The following HMGCLL1 variants were observed in gnomAD, a reference collection of about 807,000 sequenced individuals.
HMGCLL1 encodes 3-hydroxymethyl-3-methylglutaryl-CoA lyase, cytoplasmic.
In HMGCLL1, 36 loss-of-function variants were observed where a neutral mutation model predicts 39.1. That is an observed-to-expected ratio of 0.92 (90% confidence interval 0.71 to 1.22). The LOEUF is 1.22. Among genes scored for constraint, HMGCLL1 ranks in the 50% most tolerant of loss-of-function variants. The probability of loss-of-function intolerance (pLI) is 0.00; values close to 1 mark genes in which losing one functional copy is unlikely to be tolerated. For synonymous variants in HMGCLL1, 149 were observed against 144.0 expected (o/e 1.03, Z -0.25); for missense variants, 451 against 416.5 (o/e 1.08, Z -0.72).
chr6:55,552,909 A>G (rs1371687234), intron 1 of HMGCLL1, among the ~76,000 whole-genome samples: 1 of 151,928 alleles, frequency 6.6e-6, no homozygotes, highest in African/African-American at 2.4e-5. Flanking sequence ...TGGGAGGCCA[A>G]GGCGGCTGGA....
At chr6:55,447,177 TCTCAACCAAGA>T (rs1472497383) in intron 7 of HMGCLL1, among the ~76,000 whole-genome samples, 2 of 151,950 alleles carry the variant, frequency 1.3e-5, no homozygotes, top group East Asian at 3.9e-4. Context: ...GATGTTTGCT[TCTCAACCAAGA>T]CTCTAAATAG....
chr6:55,563,175 C>A (rs1771038245), intron 1 of HMGCLL1, among the ~76,000 whole-genome samples: 1 of 151,956 alleles, frequency 6.6e-6, no homozygotes, highest in African/African-American at 2.4e-5. Flanking sequence ...AAAATTATAA[C>A]AACTAAATTT....
chr6:55,653,398 T>A, the HMGCLL1 span, among the ~76,000 whole-genome samples: 1 of 151,806 alleles, frequency 6.6e-6, no homozygotes, highest in Non-Finnish European at 1.5e-5. Flanking sequence ...AGGAAAAAAA[T>A]TGAAATACAA....
chr6:55,476,902 A>G (rs1765315573), intron 7 of HMGCLL1, among the ~76,000 whole-genome samples: 1 of 146,660 alleles, frequency 6.8e-6, no homozygotes, highest in South Asian at 2.1e-4. Context: ...ACTCAGAATG[A>G]CTGCATCTAA....
intron 1 of HMGCLL1, among the ~76,000 whole-genome samples, chr6:55,548,698 T>C (rs1359557091): frequency 1.3e-5 from 2 of 151,718 alleles, no homozygotes; most frequent in Non-Finnish European, 2.9e-5. Context: ...TGTTTTAATA[T>C]AAAACTACAT....
intron 1 of HMGCLL1, among the ~76,000 whole-genome samples, chr6:55,558,981 G>C (rs961579502): frequency 6.6e-6 from 1 of 152,086 alleles, no homozygotes; most frequent in Non-Finnish European, 1.5e-5. Context: ...TTTTGGGAAA[G>C]TAGGCATTTC....
chr6:55,649,795 T>C, the HMGCLL1 span, among the ~76,000 whole-genome samples: 1 of 151,684 alleles, frequency 6.6e-6, no homozygotes, highest in Non-Finnish European at 1.5e-5. Context: ...TAATCTCCTC[T>C]GACTATGTAT....
intron 1 of HMGCLL1, among the ~76,000 whole-genome samples, chr6:55,559,983 T>C (rs552229939): frequency 1.3e-5 from 2 of 152,326 alleles, no homozygotes; most frequent in East Asian, 3.9e-4. Flanking sequence ...CATCTAAGCA[T>C]AGAGCTTTGT....
chr6:55,460,490 A>T (rs1239054234), intron 7 of HMGCLL1, among the ~76,000 whole-genome samples: 2 of 151,916 alleles, frequency 1.3e-5, no homozygotes. Flanking sequence ...TATAAACATT[A>T]TAACAAAAAG....
intron 5 of HMGCLL1, among the ~76,000 whole-genome samples, chr6:55,503,888 G>T (rs913393265): frequency 4.0e-5 from 6 of 151,706 alleles, no homozygotes; most frequent in African/African-American, 1.4e-4. Flanking sequence ...GCCAGCAGCA[G>T]CTTGAGTGTA....
At chr6:55,582,289 G>A (rs12194056), upstream of HMGCLL1, among the ~76,000 whole-genome samples, 6,443 of 152,144 alleles carry the variant, frequency 0.042, 178 homozygotes, top group Non-Finnish European at 0.064. Flanking sequence ...TTCAACATTT[G>A]GTCTCTGGCA....
the HMGCLL1 span, among the ~76,000 whole-genome samples, chr6:55,611,364 C>T: frequency 6.6e-6 from 1 of 152,054 alleles, no homozygotes; most frequent in Non-Finnish European, 1.5e-5. Flanking sequence ...GACTGAATCA[C>T]AGCCAAATTC....
At chr6:55,527,383 A>T (rs1366452507) in intron 3 of HMGCLL1, among the ~76,000 whole-genome samples, 4 of 151,962 alleles carry the variant, frequency 2.6e-5, no homozygotes, top group African/African-American at 9.7e-5. Flanking sequence ...AAAACTTCTC[A>T]GGAGATGTTA....
chr6:55,608,949 C>G, the HMGCLL1 span, among the ~76,000 whole-genome samples: 1 of 152,168 alleles, frequency 6.6e-6, no homozygotes, highest in Admixed American at 6.5e-5. Flanking sequence ...CAAGGTGGTG[C>G]GTGAGCCACA....
At chr6:55,491,849 C>A (rs1411075205) in intron 7 of HMGCLL1, among the ~76,000 whole-genome samples, 6 of 151,906 alleles carry the variant, frequency 3.9e-5, no homozygotes. Context: ...AGAATAATTT[C>A]TCTATATTAA....
At chr6:55,640,388 T>A in the HMGCLL1 span, among the ~76,000 whole-genome samples, 1 of 151,984 alleles carries the variant, frequency 6.6e-6, no homozygotes, top group Non-Finnish European at 1.5e-5. Flanking sequence ...ACTACAAGAA[T>A]GAATCACATA....
chr6:55,622,208 A>G, the HMGCLL1 span, among the ~76,000 whole-genome samples: 2 of 152,066 alleles, frequency 1.3e-5, no homozygotes, highest in Admixed American at 6.6e-5. Flanking sequence ...CAATGATGTC[A>G]TCTACAAACA....
At chr6:55,521,902 G>A (rs1330563043) in intron 3 of HMGCLL1, among the ~76,000 whole-genome samples, 1 of 152,036 alleles carries the variant, frequency 6.6e-6, no homozygotes, top group Non-Finnish European at 1.5e-5. Flanking sequence ...GATAAACCAG[G>A]CCTCTTATGC....
chr6:55,528,637 T>G (rs1348138674), intron 3 of HMGCLL1, among the ~76,000 whole-genome samples: 1 of 95,450 alleles, frequency 1.0e-5, no homozygotes, highest in Non-Finnish European at 2.4e-5. Flanking sequence ...AAATTGAACA[T>G]CCAGTTTTTT....
Sources: allele counts gnomAD v4.1 joint callset (sites outside exome capture counted in the v4.1 genomes callset), GRCh38; gene constraint gnomAD v4.1.1; transcripts MANE v1.5; gene names NCBI Gene and HGNC (gene_info 2026-07-23, HGNC 2026-07-21).